The following SHANK1 variants were observed in gnomAD, a reference collection of about 807,000 sequenced individuals.
SHANK1 encodes the protein SH3 and multiple ankyrin repeat domains protein 1.
A neutral mutation model predicts 165.6 loss-of-function variants in SHANK1; 35 were observed. The ratio of observed to expected loss-of-function variants is 0.21; its 90% CI spans 0.16 to 0.28. The LOEUF (loss-of-function observed/expected upper bound fraction) is 0.28. SHANK1 is among the 10% of genes least tolerant of loss of function. SHANK1 has a pLI of 1.00. For synonymous variants in SHANK1, 1,428 were observed against 1,384.8 expected (o/e 1.03, Z -0.69); for missense variants, 2,681 against 3,036.4 (o/e 0.88, Z 2.75).
rs755917661 is a variant in SHANK1, at chr19:50,704,104, G to A, written c.1222+16C>T. Reference sequence around the variant, plus strand: ...GCCCCAGGTTCTCTGTGCAGTCCGAGCTCCCTGTCACTCACCCACATCCTG... The same window carrying A: ...GCCCCAGGTTCTCTGTGCAGTCCGAACTCCCTGTCACTCACCCACATCCTG... On this transcript the variant is annotated intron_variant, in intron 10 of 23. Transcript: ENST00000293441. The A allele has an allele frequency of 2.5e-6, 4 of 1,612,830 alleles. No homozygotes were observed. In the African/African-American group the frequency reaches 5.4e-5, roughly 22 times the overall value.
At chr19:50,687,864 C>A (rs904743283) in intron 18 of SHANK1, 59 bp downstream of exon 18, 2 of 1,602,676 alleles carry the variant, frequency 1.2e-6, no homozygotes, top group Non-Finnish European at 1.7e-6. Flanking sequence ...AGCCCTGGGG[C>A]TCCCGCAGGG....
Position 50,687,931 on chromosome 19 carries a change from T to C in SHANK1, c.2300A>G (p.His767Arg), listed in dbSNP as rs201524439. The part of the protein sequence containing the change: ...TRHPDMDEAV[H>R]KKAPQQAKRL... ...AGTGGCCGCAGGAGCACCTTTCTTG[T>C]GCACTGCCTCATCCATGTCCGGGTG... Residue 767 changes from histidine (H) to arginine (R), a missense_variant, in exon 18 of 24, where the codon CAC becomes CGC. By Grantham distance (29) the His-to-Arg change is conservative. Coordinates refer to ENST00000293441, the MANE Select transcript of SHANK1 (RefSeq NM_016148.5). 2.5e-6 allele frequency: 4 copies of C among 1,613,904 alleles called. No homozygotes were observed. Among genetic ancestry groups the C allele is most frequent in the Non-Finnish European group, 3.4e-6 (4 of 1,179,950 alleles).
At chr19:50,698,221 C>G (rs1281084309) in intron 12 of SHANK1, among the ~76,000 whole-genome samples, 1 of 152,094 alleles carries the variant, frequency 6.6e-6, no homozygotes, top group Non-Finnish European at 1.5e-5. Context: ...AGAGGCAGGT[C>G]CACAATTGGT....
intron 21 of SHANK1, among the ~76,000 whole-genome samples, chr19:50,680,438 C>T (rs922510126): frequency 2.0e-5 from 3 of 152,014 alleles, no homozygotes; most frequent in Non-Finnish European, 2.9e-5. Flanking sequence ...GCATCAGTGG[C>T]GGGTGACAAA....
intron 21 of SHANK1, among the ~76,000 whole-genome samples, chr19:50,683,079 G>A (rs1433901649): frequency 2.0e-5 from 3 of 152,272 alleles, no homozygotes; most frequent in African/African-American, 7.2e-5. Context: ...GGATCAGCCA[G>A]CCTCAGCCTT....
At chr19:50,708,147 A>G (rs774447820) in intron 8 of SHANK1, among the ~76,000 whole-genome samples, 2 of 151,772 alleles carry the variant, frequency 1.3e-5, no homozygotes, top group Non-Finnish European at 2.9e-5. Flanking sequence ...GGGTTTCACC[A>G]TCTTGGCCAG....
intron 10 of SHANK1, 103 bp downstream of exon 10, chr19:50,704,017 A>G: frequency 8.0e-7 from 1 of 1,245,016 alleles, no homozygotes; most frequent in Non-Finnish European, 1.2e-6. Context: ...GGTTTTCTCC[A>G]TCCTATCCTG....
At position 50,702,971 on chromosome 19, in the gene SHANK1, G is replaced by A. The variant is rs1255174864; in HGVS notation, c.1554-311C>T. ...ATCCCTCCGCTCACGAGCCTTCCGC[G>A]ACTCCCAGCTTCCTCCTGGGTCAGG... On this transcript the variant is annotated intron_variant, in intron 11 of 23. Coordinates refer to ENST00000293441, the MANE Select transcript of SHANK1 (RefSeq NM_016148.5). This position sits in a 1 kb window ranked among gnomAD's most constrained non-coding sequence, Gnocchi z 5.3. Among the ~76,000 whole-genome samples, 4 of 151,984 alleles carry A rather than the reference G, an allele frequency of 2.6e-5. No homozygotes were observed. The highest frequency in any genetic ancestry group is 2.0e-4 in the Admixed American group (3 of 15,264).
At position 50,702,364 on chromosome 19, in the gene SHANK1, G is replaced by T; in HGVS notation, c.1747+103C>A. ...GCTCTCTGAGGTCTCCAGAGTGCAT[G>T]AGATACTCCAGGTGCCCGAGAATGG... On this transcript the variant is annotated intron_variant, in intron 12 of 23. Coordinates refer to ENST00000293441, the MANE Select transcript of SHANK1 (RefSeq NM_016148.5). The surrounding 1 kb of genome is among the most constrained non-coding windows in gnomAD (Gnocchi z 5.3). 1 of 1,033,238 alleles carries T rather than the reference G, an allele frequency of 9.7e-7. No homozygotes were observed. 64.0% of individuals were successfully genotyped at this position (1,033,238 alleles called of 1,614,324 possible). A position where few individuals can be genotyped will look rare whatever the true frequency, so the allele number is the denominator to read the frequency against.
rs146755660 is a variant in SHANK1, at chr19:50,701,452, G to A, written c.1747+1015C>T. Among the ~76,000 whole-genome samples the A allele has an allele frequency of 4.9e-3, 743 of 151,398 alleles. 7 individuals are homozygous for A. The highest frequency in any genetic ancestry group is 0.017 in the African/African-American group (711 of 41,222). Reference sequence around the variant, plus strand: ...AGGTGATCCACCCTCCTCGGCCTCCGAAAGTGCTGGGATTACAGGTGTGAG... The same window carrying A: ...AGGTGATCCACCCTCCTCGGCCTCCAAAAGTGCTGGGATTACAGGTGTGAG... On this transcript the variant is annotated intron_variant, in intron 12 of 23. Coordinates refer to ENST00000293441, the MANE Select transcript of SHANK1 (RefSeq NM_016148.5).
rs1194247279 is a variant in SHANK1 at position 50,716,122 on chromosome 19, AC to A, written c.459+152del. On this transcript the variant is annotated intron_variant, in intron 3 of 23. Transcript: ENST00000293441. This position sits in a 1 kb window ranked among gnomAD's most constrained non-coding sequence, Gnocchi z 8.4. ...GAACAGATGGTAATTTGAACTCAGG[AC>A]TCTCTGACTTCCCTGTGATGCTTAG... Among the ~76,000 whole-genome samples the A allele has an allele frequency of 6.6e-6, 1 of 151,996 alleles. No homozygotes were observed. The highest frequency in any genetic ancestry group is 1.9e-4 in the East Asian group (1 of 5,174).
At position 50,715,835 on chromosome 19, in the gene SHANK1, G is replaced by A. The variant is rs561658607; in HGVS notation, c.460-105C>T. The A allele has an allele frequency of 2.3e-4, 256 of 1,118,062 alleles. 2 individuals carry two copies. In the South Asian group the frequency reaches 2.6e-3, roughly 11 times the overall value. The allele number at this position is 1,118,062 out of a possible 1,614,324, so 69.3% of individuals were successfully genotyped here. A position where few individuals can be genotyped will look rare whatever the true frequency, so the allele number is the denominator to read the frequency against. ...AGGTCTGATCCCCTTCTAATTCCCC[G>A]GGGTAGCTCAGGGTGGGAGTGAAAA... On this transcript the variant is annotated intron_variant, in intron 3 of 23. Transcript: ENST00000293441.
intron 22 of SHANK1, among the ~76,000 whole-genome samples, chr19:50,671,137 C>A (rs1051361994): frequency 2.7e-5 from 4 of 149,306 alleles, no homozygotes; most frequent in African/African-American, 9.9e-5. Context: ...CCCTACCCAG[C>A]ACTCCCTATC....
intron 21 of SHANK1, among the ~76,000 whole-genome samples, chr19:50,681,434 T>G (rs969404514): frequency 3.9e-5 from 6 of 151,936 alleles, no homozygotes; most frequent in African/African-American, 1.2e-4. Flanking sequence ...CAGGGGCAGG[T>G]GGGCAGCTGG....
At chr19:50,696,789 C>G (rs1332281690) in intron 15 of SHANK1, among the ~76,000 whole-genome samples, 1 of 152,174 alleles carries the variant, frequency 6.6e-6, no homozygotes, top group Non-Finnish European at 1.5e-5. Context: ...AGCAGACTCA[C>G]TGACATGCCC....
At chr19:50,711,779 C>CA (rs1361172558) in intron 7 of SHANK1, among the ~76,000 whole-genome samples, 168 bp downstream of exon 7, 1 of 152,206 alleles carries the variant, frequency 6.6e-6, no homozygotes, top group Non-Finnish European at 1.5e-5. Flanking sequence ...CCTATGCCCC[C>CA]TTAGGGTCTT....
chr19:50,716,338 C>A lies in SHANK1; in HGVS notation c.396G>T (p.Leu132=). Residue 132 remains leucine (L), a synonymous_variant, in exon 3 of 24, where the codon CTG becomes CTT. Transcript: ENST00000293441. This position sits in a 1 kb window ranked among gnomAD's most constrained non-coding sequence, Gnocchi z 8.4. ...ACTCCCGCAGCAGCCTCTCCTCCTC[C>A]AGGAAGTTGGCATCGCGGCCGGAGG... is the stretch of plus-strand genomic sequence containing the variant. ...PATSGRDANF[L]EEERLLREYP... is the part of the protein sequence containing the mutation. 1 of 1,614,204 alleles carries A rather than the reference C, an allele frequency of 6.2e-7. No homozygotes were observed. The highest frequency in any genetic ancestry group is 8.5e-7 in the Non-Finnish European group (1 of 1,180,034).
chr19:50,714,317 A>T, intron 4 of SHANK1, 27 bp from the exon 5 acceptor site: 1 of 1,603,424 alleles, frequency 6.2e-7, no homozygotes, highest in Non-Finnish European at 8.5e-7. Context: ...GAGAGAGAAG[A>T]CAGGACAGTC....
At position 50,689,356 on chromosome 19, in the gene SHANK1, C is replaced by T. The variant is rs567228731; in HGVS notation, c.1965-77G>A. 1.4e-4 allele frequency: 154 copies of T among 1,086,008 alleles called. 2 individuals carry two copies. Among genetic ancestry groups the T allele is most frequent in the Non-Finnish European group, 2.1e-4 (147 of 699,500 alleles). The allele number at this position is 1,086,008 out of a possible 1,614,324, so 67.3% of individuals were successfully genotyped here. A position where few individuals can be genotyped will look rare whatever the true frequency, so the allele number is the denominator to read the frequency against. Reference sequence around the variant, plus strand: ...ATCATGAGACACAGAGGCTGTCCCCCACCCGGCAACCCAGACCCAAACCTC... The same window carrying T: ...ATCATGAGACACAGAGGCTGTCCCCTACCCGGCAACCCAGACCCAAACCTC... On this transcript the variant is annotated intron_variant, in intron 15 of 23. Transcript: ENST00000293441.
Sources: gnomAD v4.1 joint callset for allele counts (sites outside exome capture counted in the v4.1 genomes callset) on GRCh38, gnomAD v4.1.1 for gene constraint, Gnocchi (gnomAD v3.1) non-coding constraint, MANE v1.5 for transcripts, NCBI Gene and HGNC (gene_info 2026-07-23, HGNC 2026-07-21) for gene names.